The following CADM2 variants were observed in gnomAD, a reference collection of about 807,000 sequenced individuals.
The protein encoded by CADM2 is immunoglobulin superfamily member 4D.
CADM2 carries 12 observed loss-of-function variants against 49.8 expected under a neutral mutation model. That is an observed-to-expected ratio of 0.24 (90% CI 0.15 to 0.39). The LOEUF (loss-of-function observed/expected upper bound fraction) is 0.39, where lower values mean the gene tolerates loss of function less well. CADM2 is among the 10% of genes least tolerant of loss of function. The probability of loss-of-function intolerance (pLI) is 1.00; values close to 1 mark genes in which losing one functional copy is unlikely to be tolerated. For synonymous variants in CADM2, 214 were observed against 175.4 expected (o/e 1.22, Z -1.74); for missense variants, 378 against 492.3 (o/e 0.77, Z 2.20).
chr3:85,522,850 A>T lies in CADM2; in HGVS notation c.62-203672A>T, dbSNP rs141838647. ...TAGCTCCTGTATCCCAAGCATCAGGAATTCTTGGAGAAAGAGAAGAGAGGT... is the reference window on the plus strand; with the variant it reads ...TAGCTCCTGTATCCCAAGCATCAGGTATTCTTGGAGAAAGAGAAGAGAGGT... On this transcript the variant is annotated intron_variant, in intron 1 of 9. Coordinates refer to ENST00000383699, the MANE Select transcript of CADM2 (RefSeq NM_001167675.2). Among the ~76,000 whole-genome samples, 200 of 152,200 alleles carry T rather than the reference A, an allele frequency of 1.3e-3. 3 individuals are homozygous for T. The East Asian group carries it at 0.031, about 24-fold the overall frequency.
chr3:85,844,935 A>C (rs2074806096), intron 3 of CADM2, among the ~76,000 whole-genome samples: 1 of 151,838 alleles, frequency 6.6e-6, no homozygotes, highest in African/African-American at 2.4e-5. Context: ...AGGATACGTT[A>C]AAGCGAGGAG....
chr3:85,307,061 C>T (rs981226541), intron 1 of CADM2, among the ~76,000 whole-genome samples: 1 of 151,400 alleles, frequency 6.6e-6, no homozygotes, highest in African/African-American at 2.4e-5. Flanking sequence ...GTTTTTAGTT[C>T]TCACAATATT....
At chr3:85,591,833 A>C (rs2107345788) in intron 1 of CADM2, among the ~76,000 whole-genome samples, 1 of 152,156 alleles carries the variant, frequency 6.6e-6, no homozygotes, top group South Asian at 2.1e-4. Context: ...TTCTATATAG[A>C]GAAAATAATC....
intron 1 of CADM2, among the ~76,000 whole-genome samples, chr3:85,160,556 T>A (rs191219684): frequency 7.4e-4 from 113 of 152,256 alleles, no homozygotes; most frequent in Middle Eastern, 3.4e-3. Flanking sequence ...ATGAGTTTTT[T>A]AAAAAAATAT....
At chr3:85,854,540 A>G (rs183473821) in intron 3 of CADM2, among the ~76,000 whole-genome samples, 32 of 152,270 alleles carry the variant, frequency 2.1e-4, no homozygotes, top group African/African-American at 7.5e-4. Flanking sequence ...CAGAAAACCA[A>G]ACACCAAATG....
intron 1 of CADM2, among the ~76,000 whole-genome samples, chr3:84,990,270 T>C (rs1330204435): frequency 6.6e-6 from 1 of 151,598 alleles, no homozygotes; most frequent in Non-Finnish European, 1.5e-5. Context: ...TTTTAAGTAA[T>C]TCAACAAAAC....
At chr3:86,030,913 T>C (rs1218496228) in intron 8 of CADM2, among the ~76,000 whole-genome samples, 1 of 151,928 alleles carries the variant, frequency 6.6e-6, no homozygotes, top group Non-Finnish European at 1.5e-5. Flanking sequence ...AAGAGTAATT[T>C]GTTTAAAACA....
At position 85,219,168 on chromosome 3, in the gene CADM2, A is replaced by G. The variant is rs183695176; in HGVS notation, c.61+259500A>G. ...ATATAAGGAATACAAAAAGAATAGTATGATCCAACACTCCAAATGTAAACA... is the reference window on the plus strand; with the variant it reads ...ATATAAGGAATACAAAAAGAATAGTGTGATCCAACACTCCAAATGTAAACA... On this transcript the variant is annotated intron_variant, in intron 1 of 9. Transcript: ENST00000383699. 5.3e-5 allele frequency among the ~76,000 whole-genome samples: 8 copies of G among 152,370 alleles called. No individual in the cohort carries two copies. In the East Asian group the frequency reaches 1.4e-3, roughly 26 times the overall value.
intron 1 of CADM2, among the ~76,000 whole-genome samples, chr3:85,708,229 A>G (rs1190916280): frequency 1.3e-5 from 2 of 152,228 alleles, no homozygotes; most frequent in Non-Finnish European, 2.9e-5. Context: ...TACAGTCACC[A>G]TAATGACATT....
intron 1 of CADM2, among the ~76,000 whole-genome samples, chr3:85,158,265 T>C (rs1037703104): frequency 2.6e-5 from 4 of 152,168 alleles, no homozygotes; most frequent in African/African-American, 7.2e-5. Context: ...AGTTCAACCA[T>C]TGTGGAAGAC....
intron 3 of CADM2, among the ~76,000 whole-genome samples, chr3:85,835,056 A>G (rs926757221): frequency 2.0e-5 from 3 of 151,582 alleles, no homozygotes; most frequent in Admixed American, 6.6e-5. Flanking sequence ...GATCCACTGA[A>G]ATGATAAGAT....
At chr3:85,443,663 C>T (rs1576564487) in intron 1 of CADM2, among the ~76,000 whole-genome samples, 2 of 152,134 alleles carry the variant, frequency 1.3e-5, no homozygotes, top group East Asian at 3.9e-4. Context: ...AACAACCTAC[C>T]TCCATGTCTT....
intron 3 of CADM2, among the ~76,000 whole-genome samples, chr3:85,856,243 A>G (rs2075313182): frequency 6.6e-6 from 1 of 152,226 alleles, no homozygotes; most frequent in African/African-American, 2.4e-5. Context: ...TTACTACTGC[A>G]TAAATATTTT....
chr3:85,886,343 A>G lies in CADM2; in HGVS notation c.529+16A>G, dbSNP rs751604569. On this transcript the variant is annotated intron_variant, in intron 5 of 9. Coordinates refer to ENST00000383699, the MANE Select transcript of CADM2 (RefSeq NM_001167675.2). ...GAGATTAAAGGTAAAGAATAGAAAAATGAAAATCAAAATTAATGTGCTGAA... is the reference window on the plus strand; with the variant it reads ...GAGATTAAAGGTAAAGAATAGAAAAGTGAAAATCAAAATTAATGTGCTGAA... The G allele has an allele frequency of 8.2e-6, 13 of 1,585,654 alleles. No homozygotes were observed. The Admixed American group carries it at 1.5e-4, about 18-fold the overall frequency.
chr3:85,201,922 A>C (rs566088744), intron 1 of CADM2, among the ~76,000 whole-genome samples: 1 of 152,048 alleles, frequency 6.6e-6, no homozygotes, highest in East Asian at 1.9e-4. Flanking sequence ...CTCTACTAAA[A>C]ATACAAAAAT....
At chr3:85,728,414 G>A (rs1233565439) in intron 2 of CADM2, among the ~76,000 whole-genome samples, 3 of 152,120 alleles carry the variant, frequency 2.0e-5, no homozygotes, top group African/African-American at 7.2e-5. Flanking sequence ...TGTGCCTCAA[G>A]TGGAAACTGA....
intron 1 of CADM2, among the ~76,000 whole-genome samples, chr3:85,010,223 A>G (rs943424923): frequency 1.3e-5 from 2 of 152,214 alleles, no homozygotes; most frequent in African/African-American, 2.4e-5. Context: ...TTGCCACATC[A>G]GAGTTCAATG....
intron 1 of CADM2, among the ~76,000 whole-genome samples, chr3:85,660,214 C>T (rs1300101083): frequency 1.3e-5 from 2 of 152,018 alleles, no homozygotes; most frequent in African/African-American, 2.4e-5. Flanking sequence ...TATTTGAGTT[C>T]GTTGAGGTCT....
intron 1 of CADM2, among the ~76,000 whole-genome samples, chr3:84,998,309 C>T (rs1041817649): frequency 9.9e-5 from 15 of 152,212 alleles, no homozygotes; most frequent in African/African-American, 3.4e-4. Flanking sequence ...TTTTAAACCA[C>T]TAGTTTAAAT....
Sources: gnomAD v4.1 joint callset for allele counts (sites outside exome capture counted in the v4.1 genomes callset) on GRCh38, gnomAD v4.1.1 for gene constraint, MANE v1.5 for transcripts, NCBI Gene and HGNC (gene_info 2026-07-23, HGNC 2026-07-21) for gene names.